PDIA4: variants seen among roughly 807,000 people sequenced by gnomAD.
The protein encoded by PDIA4 is protein disulfide isomerase family A member 4, also known as protein disulfide-isomerase A4.
A neutral mutation model predicts 62.1 loss-of-function variants in PDIA4; 33 were observed. The ratio of observed to expected loss-of-function variants is 0.53; its 90% CI spans 0.40 to 0.71. PDIA4 has a LOEUF of 0.71. PDIA4 is among the 30% of genes least tolerant of loss of function. PDIA4 has a pLI of 0.00. For synonymous variants in PDIA4, 341 were observed against 324.1 expected (o/e 1.05, Z -0.56); for missense variants, 804 against 813.6 (o/e 0.99, Z 0.14).
At chr7:149,004,293 G>T in intron 9 of PDIA4, 84 bp from the exon 10 acceptor site, 1 of 1,344,342 alleles carries the variant, frequency 7.4e-7, no homozygotes, top group African/African-American at 1.5e-5. Flanking sequence ...CAGGCAGTGA[G>T]GTTGGTGTGG....
intron 4 of PDIA4, 147 bp downstream of exon 4, chr7:149,014,757 T>C: frequency 1.4e-6 from 1 of 693,432 alleles, no homozygotes; most frequent in Non-Finnish European, 2.5e-6. Context: ...CCACGCTTCT[T>C]CCAGAAGACC....
At chr7:149,006,427 G>A (rs1458851508) in intron 7 of PDIA4, 8 of 193,544 alleles carry the variant, frequency 4.1e-5, no homozygotes, top group African/African-American at 7.1e-5. Flanking sequence ...CGGTCTTCAC[G>A]CAGGAGGTCC....
chr7:149,009,779 T>C (rs538148228), intron 6 of PDIA4, among the ~76,000 whole-genome samples: 85 of 152,326 alleles, frequency 5.6e-4, no homozygotes, highest in African/African-American at 1.8e-3. Flanking sequence ...AGATGTCACA[T>C]GCAAAGACAG....
intron 6 of PDIA4, among the ~76,000 whole-genome samples, chr7:149,010,573 T>C (rs543533194): frequency 6.6e-6 from 1 of 152,180 alleles, no homozygotes; most frequent in South Asian, 2.1e-4. Context: ...TTGTAGTCAG[T>C]TGGCTTCAGG....
At chr7:149,006,106 CTT>C in intron 7 of PDIA4, 53 bp from the exon 8 acceptor site, 1 of 1,519,786 alleles carries the variant, frequency 6.6e-7, no homozygotes. Context: ...CACCATTGTT[CTT>C]GAGTACAATG....
chr7:149,023,819 TCTTACCTATGGTCGG>T (rs1824441857), intron 1 of PDIA4, among the ~76,000 whole-genome samples: 1 of 152,182 alleles, frequency 6.6e-6, no homozygotes, highest in Non-Finnish European at 1.5e-5. Flanking sequence ...AAAGACGTCT[TCTTACCTATGGTCGG>T]CCTCAAGTGG....
At chr7:149,016,014 A>T (rs1220286817) in intron 3 of PDIA4, among the ~76,000 whole-genome samples, 1 of 152,254 alleles carries the variant, frequency 6.6e-6, no homozygotes, top group African/African-American at 2.4e-5. Context: ...CTCAACTTTT[A>T]GGCCAGGGGT....
chr7:149,015,400 T>C (rs1391307968), intron 3 of PDIA4, among the ~76,000 whole-genome samples: 2 of 151,148 alleles, frequency 1.3e-5, no homozygotes, highest in Non-Finnish European at 1.5e-5. Flanking sequence ...ATGGATAGCA[T>C]TGTGGGGCAT....
Position 149,028,479 on chromosome 7 carries a change from C to T in PDIA4, c.-71G>A. The stretch of plus-strand genomic sequence containing the variant: ...GCGCACCGAGAACTCGGGGTCTGGC[C>T]GACAGCCCGTCGCTCCTTAGCGACG... On this transcript the variant is annotated 5_prime_UTR_variant, in exon 1 of 10. Transcript: ENST00000652332. The T allele has an allele frequency of 2.8e-6, 3 of 1,087,832 alleles. No homozygotes were observed. Among genetic ancestry groups the T allele is most frequent in the South Asian group, 1.6e-5 (1 of 60,910 alleles). 67.4% of individuals were successfully genotyped at this position (1,087,832 alleles called of 1,614,324 possible). A position where few individuals can be genotyped will look rare whatever the true frequency, so the allele number is the denominator to read the frequency against.
At chr7:149,027,008 G>A (rs979680797) in intron 1 of PDIA4, among the ~76,000 whole-genome samples, 7 of 152,062 alleles carry the variant, frequency 4.6e-5, no homozygotes, top group African/African-American at 1.7e-4. Flanking sequence ...CCCAAAAACA[G>A]AATCACTGGA....
At chr7:149,027,317 G>A (rs543909605) in intron 1 of PDIA4, among the ~76,000 whole-genome samples, 1 of 152,104 alleles carries the variant, frequency 6.6e-6, no homozygotes, top group Non-Finnish European at 1.5e-5. Flanking sequence ...GCCGAGTGTG[G>A]GTTTTTACTT....
intron 1 of PDIA4, among the ~76,000 whole-genome samples, chr7:149,025,551 G>A (rs536359061): frequency 1.3e-5 from 2 of 152,172 alleles, no homozygotes; most frequent in African/African-American, 4.8e-5. Context: ...CCCCTTAAGG[G>A]AGACTGTATT....
rs1230577163 is a variant in PDIA4, at chr7:149,003,697, G to A, written c.*97C>T. 24 of 738,944 alleles carry A rather than the reference G, an allele frequency of 3.2e-5. No individual in the cohort carries two copies. The highest frequency in any genetic ancestry group is 2.3e-4 in the East Asian group (8 of 34,942). 45.8% of individuals were successfully genotyped at this position (738,944 alleles called of 1,614,324 possible). A position where few individuals can be genotyped will look rare whatever the true frequency, so the allele number is the denominator to read the frequency against. ...ATTAAAAAAAAAAAAAAAGGAATCC[G>A]AGATACTGTCGTTTGTTGCCGGCCT... On this transcript the variant is annotated 3_prime_UTR_variant, in exon 10 of 10. Coordinates refer to ENST00000652332, the MANE Select transcript of PDIA4 (RefSeq NM_004911.5).
Position 149,003,775 on chromosome 7 carries a change from T to C in PDIA4, c.*19A>G, listed in dbSNP as rs1018159880. ...CGCAGGGCGTCTGCCTCCTCCCACC[T>C]TCCGCAGACCTCAGGCCTTCAAAGC... On this transcript the variant is annotated 3_prime_UTR_variant, in exon 10 of 10. Transcript: ENST00000652332. 1.7e-5 allele frequency: 25 copies of C among 1,484,578 alleles called. No individual in the cohort carries two copies. Among genetic ancestry groups the C allele is most frequent in the Middle Eastern group, 1.8e-4 (1 of 5,498 alleles). The allele number at this position is 1,484,578 out of a possible 1,614,324, so 92.0% of individuals were successfully genotyped here. A position where few individuals can be genotyped will look rare whatever the true frequency, so the allele number is the denominator to read the frequency against.
rs778352456 is a variant in PDIA4 at position 149,005,997 on chromosome 7, C to G, written c.1188G>C (p.Leu396=). The G allele has an allele frequency of 5.2e-6, 8 of 1,547,646 alleles. 1 individual carries two copies. The highest frequency in any genetic ancestry group is 6.9e-6 in the Non-Finnish European group (8 of 1,156,210). ...CGTTTGACACCTTGCGGTGGCCAAC[C>G]AGGGGCAGGGCGTACTTCAGCACGA... ...KDFVLKYALP[L]VGHRKVSNDA... is the part of the protein sequence containing the mutation. Residue 396 remains leucine, a synonymous_variant, in exon 8 of 10, where the codon CTG becomes CTC. Transcript: ENST00000652332.
In PDIA4 at chr7:149,008,145, AG is replaced by A; in HGVS notation, c.1131+13del. 1 of 1,611,550 alleles carries A rather than the reference AG, an allele frequency of 6.2e-7. No homozygotes were observed. Among genetic ancestry groups the A allele is most frequent in the South Asian group, 1.1e-5 (1 of 90,706 alleles). ...GGGGTGTCCAGGGCTGGCATGGCAG[AG>A]GGGCCCGCTTACCTGGACGTCCATC... On this transcript the variant is annotated intron_variant, in intron 7 of 9. Transcript: ENST00000652332.
At chr7:149,024,800 G>T in intron 1 of PDIA4, among the ~76,000 whole-genome samples, 1 of 130,972 alleles carries the variant, frequency 7.6e-6, no homozygotes, top group Non-Finnish European at 1.6e-5. Flanking sequence ...TGGCGACCGA[G>T]CAAGACTGTC....
intron 3 of PDIA4, among the ~76,000 whole-genome samples, chr7:149,018,681 C>T (rs1824231186): frequency 6.6e-6 from 1 of 152,102 alleles, no homozygotes; most frequent in South Asian, 2.1e-4. Context: ...ATCCAGCTGC[C>T]TTGGCCTCCC....
chr7:149,010,440 G>A (rs939850827), intron 6 of PDIA4, among the ~76,000 whole-genome samples: 2 of 151,356 alleles, frequency 1.3e-5, no homozygotes, highest in Non-Finnish European at 2.9e-5. Context: ...GCTGCAGTGA[G>A]TCGAGATCAC....
Sources: gnomAD v4.1 joint callset for allele counts (sites outside exome capture counted in the v4.1 genomes callset) on GRCh38, gnomAD v4.1.1 for gene constraint, MANE v1.5 for transcripts, NCBI Gene and HGNC (gene_info 2026-07-23, HGNC 2026-07-21) for gene names.